The following EXTL3 variants were observed in gnomAD, a reference collection of about 807,000 sequenced individuals.
EXTL3 encodes the protein exostosin like glycosyltransferase 3, also known as exostosin-like 3.
EXTL3 carries 27 observed loss-of-function variants against 69.3 expected under a neutral mutation model. That is an observed-to-expected ratio of 0.39 (90% CI 0.29 to 0.54). The LOEUF (loss-of-function observed/expected upper bound fraction) is 0.54, where lower values mean the gene tolerates loss of function less well. EXTL3 is among the 20% of genes least tolerant of loss of function. The probability of loss-of-function intolerance (pLI) is 0.69; values close to 1 mark genes in which losing one functional copy is unlikely to be tolerated. For synonymous variants in EXTL3, 511 were observed against 499.4 expected (o/e 1.02, Z -0.31); for missense variants, 1,003 against 1,231.8 (o/e 0.81, Z 2.78).
At position 28,636,109 on chromosome 8, in the gene EXTL3, T is replaced by A. The variant is rs370255078; in HGVS notation, c.-53+13299T>A. Among the ~76,000 whole-genome samples, 197 of 151,998 alleles carry A rather than the reference T, an allele frequency of 1.3e-3. 1 individual carries two copies. The highest frequency in any genetic ancestry group is 4.5e-3 in the African/African-American group (188 of 41,466). On this transcript the variant is annotated intron_variant, in intron 1 of 6. Transcript: ENST00000523149. ...ACTTTGGGAGGCTGAGGCGGGTAGA[T>A]CACATGAGGTCAGGAGTTCAAGACC...
chr8:28,735,362 A>T (rs551586890), intron 4 of EXTL3, among the ~76,000 whole-genome samples: 14 of 152,310 alleles, frequency 9.2e-5, no homozygotes, highest in African/African-American at 3.4e-4. Flanking sequence ...AGCTTTAAGG[A>T]GTTTGAAGCC....
downstream of EXTL3, among the ~76,000 whole-genome samples, chr8:28,755,754 TAAAAA>T (rs917759515): frequency 1.3e-5 from 2 of 150,760 alleles, no homozygotes; most frequent in African/African-American, 4.9e-5. Context: ...CTCATAAAAA[TAAAAA>T]AAAAGTACAG....
At chr8:28,739,860 ACT>A (rs1266797839) in intron 5 of EXTL3, 1 of 152,206 alleles carries the variant, frequency 6.6e-6, no homozygotes, top group African/African-American at 2.4e-5. Context: ...AGAAGGAGCC[ACT>A]GATCTTAGCA....
chr8:28,668,865 C>CTCTTTTTTT (rs1193812924), intron 1 of EXTL3, among the ~76,000 whole-genome samples: 1 of 94,476 alleles, frequency 1.1e-5, no homozygotes, highest in Non-Finnish European at 1.9e-5. Context: ...GATAGAATCT[C>CTCTTTTTTT]TTTTTTTTTT....
intron 6 of EXTL3, among the ~76,000 whole-genome samples, chr8:28,747,152 G>A (rs780112991): frequency 1.3e-5 from 2 of 152,224 alleles, no homozygotes; most frequent in Non-Finnish European, 2.9e-5. Context: ...TTTAGATCCA[G>A]TGAGAGCCCC....
intron 1 of EXTL3, among the ~76,000 whole-genome samples, chr8:28,661,900 A>T (rs62504319): frequency 6.9e-6 from 1 of 144,512 alleles, no homozygotes. Context: ...AAAAATTAAA[A>T]TAAAAGATAA....
At chr8:28,620,545 C>A (rs1012142599), upstream of EXTL3, among the ~76,000 whole-genome samples, 1 of 152,116 alleles carries the variant, frequency 6.6e-6, no homozygotes, top group Non-Finnish European at 1.5e-5. Context: ...GCATTTGGAC[C>A]GGAATCCAGG....
At chr8:28,646,353 G>A (rs1423861032) in intron 1 of EXTL3, among the ~76,000 whole-genome samples, 3 of 152,182 alleles carry the variant, frequency 2.0e-5, no homozygotes, top group Non-Finnish European at 2.9e-5. Context: ...AGTGGGTTCC[G>A]AATCCATAGC....
At chr8:28,634,421 A>G (rs148410763) in intron 1 of EXTL3, among the ~76,000 whole-genome samples, 73 of 151,828 alleles carry the variant, frequency 4.8e-4, no homozygotes, top group African/African-American at 1.4e-3. Flanking sequence ...AGTCTGTTAC[A>G]CCTTTCATGC....
intron 3 of EXTL3, among the ~76,000 whole-genome samples, chr8:28,722,309 A>G (rs1483059320): frequency 1.3e-5 from 2 of 152,206 alleles, no homozygotes; most frequent in African/African-American, 2.4e-5. Flanking sequence ...GAGGAGGCAC[A>G]TGATTTTTAT....
chr8:28,716,664 A>G lies in EXTL3; in HGVS notation c.605A>G (p.Asp202Gly). ...TTCCCGGTCTACGTCTATGACAGTGACCAGTTTGTCTTTGGCAGCTACCTG... is the reference window on the plus strand; with the variant it reads ...TTCCCGGTCTACGTCTATGACAGTGGCCAGTTTGTCTTTGGCAGCTACCTG... ...SGFPVYVYDS[D>G]QFVFGSYLDP... is the part of the protein sequence containing the mutation. The change falls in exon 3 of 7, where the codon GAC (aspartate) becomes GGC (glycine). Residue 202 changes from aspartate to glycine, a missense_variant. This residue lies in a region of EXTL3 where 742 missense variants were observed against 815.4 expected (regional missense o/e 0.91). Transcript: ENST00000220562. This position sits in a 1 kb window ranked among gnomAD's most constrained non-coding sequence, Gnocchi z 7.1. 6.2e-7 allele frequency: 1 copy of G among 1,614,160 alleles called. No homozygotes were observed. The highest frequency in any genetic ancestry group is 8.5e-7 in the Non-Finnish European group (1 of 1,180,032).
At chr8:28,656,631 C>T (rs1210612375) in intron 1 of EXTL3, among the ~76,000 whole-genome samples, 1 of 152,178 alleles carries the variant, frequency 6.6e-6, no homozygotes, top group African/African-American at 2.4e-5. Flanking sequence ...ATACCTTGCA[C>T]ACGTCAAGGT....
intron 1 of EXTL3, among the ~76,000 whole-genome samples, chr8:28,708,172 T>G (rs1307739998): frequency 6.6e-6 from 1 of 152,238 alleles, no homozygotes; most frequent in Non-Finnish European, 1.5e-5. Context: ...TCTGGTTCTC[T>G]GGTTGCATCA....
At chr8:28,608,288 T>TG (rs1450719856) in intron 2 of EXTL3, among the ~76,000 whole-genome samples, 2 of 152,028 alleles carry the variant, frequency 1.3e-5, no homozygotes, top group African/African-American at 4.8e-5. Context: ...CACGCTCCTG[T>TG]GACTCCTGCC....
rs1261310349 is a variant in EXTL3, at chr8:28,752,272, A to C, written c.*1406A>C. The C allele has an allele frequency of 6.6e-6, 1 of 152,520 alleles. No homozygotes were observed. The highest frequency in any genetic ancestry group is 6.5e-5 in the Admixed American group (1 of 15,274). The allele number at this position is 152,520 out of a possible 1,614,324, so 9.4% of individuals were successfully genotyped here. ...GGTCACGGTGGCAGTAGGGGAACCT[A>C]GGAGGGTGTGAGTGGCATTTGTCAG... On this transcript the variant is annotated 3_prime_UTR_variant, in exon 7 of 7. Transcript: ENST00000220562.
Position 28,753,325 on chromosome 8 carries a change from G to A in EXTL3, c.*2459G>A, listed in dbSNP as rs555082429. ...TCTGTGGGCCGCCCCTGGCCACCTTGTCCTGGCTCGCAGGGTGCAGGAGCG... is the reference window on the plus strand; with the variant it reads ...TCTGTGGGCCGCCCCTGGCCACCTTATCCTGGCTCGCAGGGTGCAGGAGCG... On this transcript the variant is annotated 3_prime_UTR_variant, in exon 7 of 7. Transcript: ENST00000220562. 1.3e-5 allele frequency: 2 copies of A among 152,402 alleles called. No homozygotes were observed. Among genetic ancestry groups the A allele is most frequent in the East Asian group, 1.9e-4 (1 of 5,164 alleles). The allele number at this position is 152,402 out of a possible 1,614,324, so 9.4% of individuals were successfully genotyped here. A position where few individuals can be genotyped will look rare whatever the true frequency, so the allele number is the denominator to read the frequency against.
intron 1 of EXTL3, among the ~76,000 whole-genome samples, chr8:28,628,815 G>A (rs1806531837): frequency 5.3e-5 from 8 of 152,066 alleles, no homozygotes; most frequent in Admixed American, 5.2e-4. Context: ...CGTCATTCCT[G>A]GCTAAGTTTT....
rs1274987248 is a variant in EXTL3, at chr8:28,752,602, AC to A, written c.*1739del. ...GGAACTCTCCCCATTGGCAAACCGG[AC>A]CCGGCCGCCGCCAGGACTGTGTTTC... On this transcript the variant is annotated 3_prime_UTR_variant, in exon 7 of 7. Coordinates refer to ENST00000220562, the MANE Select transcript of EXTL3 (RefSeq NM_001440.4). The A allele has an allele frequency of 1.3e-5, 2 of 152,486 alleles. No individual in the cohort carries two copies. The highest frequency in any genetic ancestry group is 2.4e-5 in the African/African-American group (1 of 41,364). The allele number at this position is 152,486 out of a possible 1,614,324, so 9.4% of individuals were successfully genotyped here.
chr8:28,708,008 A>G (rs925515439), intron 1 of EXTL3, among the ~76,000 whole-genome samples: 1 of 152,198 alleles, frequency 6.6e-6, no homozygotes, highest in Non-Finnish European at 1.5e-5. Flanking sequence ...AGCGGAAGGA[A>G]TGCTCACCAC....
Sources: gnomAD v4.1 joint callset for allele counts (sites outside exome capture counted in the v4.1 genomes callset) on GRCh38, gnomAD v4.1.1 for gene constraint, gnomAD v4.1.1 regional missense constraint, Gnocchi (gnomAD v3.1) non-coding constraint, MANE v1.5 for transcripts, NCBI Gene and HGNC (gene_info 2026-07-23, HGNC 2026-07-21) for gene names.